Variants in FSTL4 observed in about 807,000 individuals in gnomAD.
The protein encoded by FSTL4 is follistatin like 4.
Under a neutral mutation model 78.2 loss-of-function variants are expected in FSTL4, and 28 were observed. That is an observed-to-expected ratio of 0.36 (90% confidence interval 0.27 to 0.49). The LOEUF is 0.49. Ranked by LOEUF, FSTL4 falls within the 20% of genes least tolerant of loss-of-function variation. FSTL4 has a pLI of 0.98. For synonymous variants in FSTL4, 422 were observed against 440.5 expected, an observed-to-expected ratio of 0.96 and a Z score of 0.53; for missense variants, 922 against 1,084.9, an observed-to-expected ratio of 0.85 and a Z score of 2.11.
the FSTL4 span, among the ~76,000 whole-genome samples, chr5:133,754,717 CT>C: frequency 6.6e-6 from 1 of 152,172 alleles, no homozygotes; most frequent in Non-Finnish European, 1.5e-5. Flanking sequence ...GGTCCACGCT[CT>C]GGGGACAAAA....
At chr5:133,211,038 T>G (rs1183299641) in intron 13 of FSTL4, 4 of 152,244 alleles carry the variant, frequency 2.6e-5, no homozygotes, top group Non-Finnish European at 5.9e-5. Flanking sequence ...TTTGAGATCA[T>G]CCATTATCAC....
chr5:133,608,508 AACC>A (rs1761020865), intron 1 of FSTL4, among the ~76,000 whole-genome samples: 1 of 152,260 alleles, frequency 6.6e-6, no homozygotes, highest in Non-Finnish European at 1.5e-5. Flanking sequence ...CCTAAACTGG[AACC>A]CAGGCATCCT....
At chr5:133,223,360 C>T (rs763078634) in intron 11 of FSTL4, among the ~76,000 whole-genome samples, 9 of 152,296 alleles carry the variant, frequency 5.9e-5, no homozygotes, top group Middle Eastern at 3.4e-3. Flanking sequence ...CAGGTAACAC[C>T]GTGTGAAGTT....
chr5:133,380,808 T>C (rs1755549421), intron 4 of FSTL4, among the ~76,000 whole-genome samples: 1 of 144,898 alleles, frequency 6.9e-6, no homozygotes, highest in East Asian at 1.9e-4. Context: ...ATATATAAAA[T>C]ATATATCATA....
chr5:133,818,229 G>C, the FSTL4 span, among the ~76,000 whole-genome samples: 1 of 152,208 alleles, frequency 6.6e-6, no homozygotes, highest in Non-Finnish European at 1.5e-5. Flanking sequence ...GTCAACAATG[G>C]GCCGTGGATT....
chr5:133,670,237 C>T, the FSTL4 span, among the ~76,000 whole-genome samples: 20 of 152,196 alleles, frequency 1.3e-4, no homozygotes, highest in African/African-American at 4.6e-4. Flanking sequence ...ATGAATTGAA[C>T]TGGTAAAAGT....
intron 3 of FSTL4, among the ~76,000 whole-genome samples, chr5:133,547,506 T>C (rs1759606152): frequency 6.6e-6 from 1 of 152,224 alleles, no homozygotes; most frequent in Non-Finnish European, 1.5e-5. Context: ...GTTAGAAATT[T>C]GGTCCCCAGT....
chr5:133,764,812 T>G, the FSTL4 span, among the ~76,000 whole-genome samples: 9 of 152,326 alleles, frequency 5.9e-5, no homozygotes, highest in South Asian at 1.4e-3. Context: ...ATCTTGACTT[T>G]CCTGCATTCC....
chr5:133,465,175 T>C (rs1757679467), intron 3 of FSTL4, among the ~76,000 whole-genome samples: 1 of 152,232 alleles, frequency 6.6e-6, no homozygotes, highest in South Asian at 2.1e-4. Context: ...CGTTGCCACA[T>C]TGGTCTCCCC....
chr5:133,751,780 C>G, the FSTL4 span, among the ~76,000 whole-genome samples: 75,246 of 152,072 alleles, frequency 0.49, 18,769 homozygotes, highest in South Asian at 0.56. Flanking sequence ...GGAGGTGCAA[C>G]AGCAATTTCT....
chr5:133,793,953 G>A, the FSTL4 span, among the ~76,000 whole-genome samples: 3 of 152,222 alleles, frequency 2.0e-5, no homozygotes, highest in African/African-American at 7.2e-5. Context: ...CCAGTTTCCT[G>A]GAGGAATTCC....
intron 4 of FSTL4, among the ~76,000 whole-genome samples, chr5:133,396,022 T>C (rs1370558069): frequency 2.0e-5 from 3 of 152,182 alleles, no homozygotes; most frequent in Non-Finnish European, 4.4e-5. Flanking sequence ...ATCATTAACT[T>C]TGATCAACTG....
the FSTL4 span, among the ~76,000 whole-genome samples, chr5:133,800,595 C>A: frequency 7.2e-6 from 1 of 138,358 alleles, no homozygotes; most frequent in Non-Finnish European, 1.6e-5. Context: ...TGCAAGCTGG[C>A]ATTTTCTCCT....
In FSTL4 at chr5:133,571,910, G is replaced by A. The variant is rs540537701; in HGVS notation, c.127-4691C>T. 2.6e-5 allele frequency among the ~76,000 whole-genome samples: 4 copies of A among 152,270 alleles called. No individual in the cohort carries two copies. The East Asian group carries it at 7.7e-4, about 29-fold the overall frequency. On this transcript the variant is annotated intron_variant, in intron 2 of 15. Transcript: ENST00000265342. ...AAAGTATGAGACACTGTAACATCATGAAGAGTTCTAACAAGCATGTAATTA... is the reference window on the plus strand; with the variant it reads ...AAAGTATGAGACACTGTAACATCATAAAGAGTTCTAACAAGCATGTAATTA...
chr5:133,695,422 C>T, the FSTL4 span, among the ~76,000 whole-genome samples: 1 of 152,098 alleles, frequency 6.6e-6, no homozygotes, highest in Non-Finnish European at 1.5e-5. Context: ...GGCAGGTTTC[C>T]CTTCTCAAAT....
chr5:133,694,370 C>A, the FSTL4 span, among the ~76,000 whole-genome samples: 1 of 152,256 alleles, frequency 6.6e-6, no homozygotes, highest in Non-Finnish European at 1.5e-5. Context: ...CTCTACACCT[C>A]CACTCCACAG....
chr5:133,310,178 G>A (rs1422893048), intron 6 of FSTL4, among the ~76,000 whole-genome samples: 2 of 148,532 alleles, frequency 1.3e-5, no homozygotes, highest in African/African-American at 2.5e-5. Flanking sequence ...CTCATTTTGC[G>A]GCTTCCTTAA....
chr5:133,700,740 G>T, the FSTL4 span, among the ~76,000 whole-genome samples: 1 of 152,222 alleles, frequency 6.6e-6, no homozygotes, highest in Non-Finnish European at 1.5e-5. Context: ...AGGGCCTCGG[G>T]TTTCTCATCC....
intron 4 of FSTL4, among the ~76,000 whole-genome samples, chr5:133,369,738 T>A (rs1755250805): frequency 6.6e-6 from 1 of 152,216 alleles, no homozygotes; most frequent in African/African-American, 2.4e-5. Context: ...TCATTTGGCC[T>A]CAAACGACAC....
Sources: gnomAD v4.1 joint callset for allele counts (sites outside exome capture counted in the v4.1 genomes callset) on GRCh38, gnomAD v4.1.1 for gene constraint, MANE v1.5 for transcripts, NCBI Gene and HGNC (gene_info 2026-07-23, HGNC 2026-07-21) for gene names.